HINT3: variants seen among roughly 807,000 people sequenced by gnomAD.
HINT3 encodes histidine triad nucleotide binding protein 3.
HINT3 carries 16 observed loss-of-function variants against 19.1 expected under a neutral mutation model. The observed-to-expected ratio is 0.84, with a 90% CI of 0.57 to 1.27. The LOEUF (loss-of-function observed/expected upper bound fraction) is 1.27, where lower values mean the gene tolerates loss of function less well. HINT3 is among the 50% of genes most tolerant of loss of function. HINT3 has a pLI of 0.00. For synonymous variants in HINT3, 75 were observed against 84.8 expected (o/e 0.88, Z 0.63); for missense variants, 197 against 225.8 (o/e 0.87, Z 0.82).
At chr6:125,966,016 G>A (rs1789012331) in intron 1 of HINT3, among the ~76,000 whole-genome samples, 1 of 152,090 alleles carries the variant, frequency 6.6e-6, no homozygotes, top group Non-Finnish European at 1.5e-5. Context: ...GAGCAGCATT[G>A]CATTCATGGA....
At chr6:125,960,671 A>AGGGGT (rs1562211533) in intron 1 of HINT3, among the ~76,000 whole-genome samples, 3 of 92,470 alleles carry the variant, frequency 3.2e-5, no homozygotes, top group Non-Finnish European at 4.5e-5. Flanking sequence ...GGGGGAAAAA[A>AGGGGT]AAAGAAGTTA....
intron 1 of HINT3, among the ~76,000 whole-genome samples, chr6:125,962,253 CACAT>C (rs1376922791): frequency 1.6e-4 from 2 of 12,648 alleles, no homozygotes; most frequent in Non-Finnish European, 2.6e-4. Flanking sequence ...TATATATACA[CACAT>C]ATATATATAT....
Position 125,974,968 on chromosome 6 carries a change from A to G in HINT3, c.511A>G (p.Ile171Val). 3 of 1,613,684 alleles carry G rather than the reference A, an allele frequency of 1.9e-6. No homozygotes were observed. The highest frequency in any genetic ancestry group is 2.5e-6 in the Non-Finnish European group (3 of 1,179,714). Residue 171 changes from isoleucine (I) to valine (V), a missense_variant, in exon 4 of 5, where the codon ATC becomes GTC. By Grantham distance (29) the Ile-to-Val change is conservative. Transcript: ENST00000229633. Reference sequence around the variant, plus strand: ...TTATAGAGTCAATTCCTATTGGTTTATCACAGTGAGTATTCTTGTTATGTC... The same window carrying G: ...TTATAGAGTCAATTCCTATTGGTTTGTCACAGTGAGTATTCTTGTTATGTC... ...LVYRVNSYWF[I>V]TADHLIEKLR...
intron 1 of HINT3, among the ~76,000 whole-genome samples, chr6:125,963,553 G>T (rs1162471559): frequency 6.6e-6 from 1 of 152,148 alleles, no homozygotes; most frequent in Admixed American, 6.5e-5. Context: ...AGAGTCAGTG[G>T]TGATAATGAA....
chr6:125,957,652 T>A (rs1165614445), intron 1 of HINT3, among the ~76,000 whole-genome samples: 1 of 152,246 alleles, frequency 6.6e-6, no homozygotes, highest in African/African-American at 2.4e-5. Flanking sequence ...TGTGGAAAGC[T>A]GTTTGTTAGA....
At chr6:125,967,127 A>T (rs1409506587) in intron 2 of HINT3, 123 bp downstream of exon 2, 1 of 568,882 alleles carries the variant, frequency 1.8e-6, no homozygotes, top group African/African-American at 1.9e-5. Flanking sequence ...TGACTTTTTG[A>T]AATTTTCACT....
intron 4 of HINT3, 80 bp from the exon 5 acceptor site, chr6:125,977,564 T>C: frequency 1.5e-6 from 1 of 671,322 alleles, no homozygotes. Context: ...TAATGTGGCA[T>C]ATTATAATAG....
In HINT3 at chr6:125,978,071, A is replaced by T. The variant is rs148033167; in HGVS notation, c.*395A>T. 2.5e-3 allele frequency: 382 copies of T among 154,774 alleles called. No homozygotes were observed. In the Middle Eastern group the frequency reaches 0.032, roughly 13 times the overall value. The allele number at this position is 154,774 out of a possible 1,614,324, so 9.6% of individuals were successfully genotyped here. On this transcript the variant is annotated 3_prime_UTR_variant, in exon 5 of 5. Transcript: ENST00000229633. Reference sequence around the variant, plus strand: ...TAGAAAGTACTTTGTGGGAACCTTTATTACTGTGAAGGAGAAAAATAGCTA... The same window carrying T: ...TAGAAAGTACTTTGTGGGAACCTTTTTTACTGTGAAGGAGAAAAATAGCTA...
In HINT3 at chr6:125,977,972, T is replaced by A. The variant is rs1446203348; in HGVS notation, c.*296T>A. The A allele has an allele frequency of 1.8e-4, 41 of 228,736 alleles. No homozygotes were observed. In the East Asian group the frequency reaches 3.3e-3, roughly 18 times the overall value. The allele number at this position is 228,736 out of a possible 1,614,324, so 14.2% of individuals were successfully genotyped here. On this transcript the variant is annotated 3_prime_UTR_variant, in exon 5 of 5. Coordinates refer to ENST00000229633, the MANE Select transcript of HINT3 (RefSeq NM_138571.5). Reference sequence around the variant, plus strand: ...AATCAACAAGGGCTCTGTATTTTTTTAAGTTAAAATATTTTCATTTCTCAG... The same window carrying A: ...AATCAACAAGGGCTCTGTATTTTTTAAAGTTAAAATATTTTCATTTCTCAG...
At chr6:125,957,251 C>T (rs1328485530) in intron 1 of HINT3, 73 bp downstream of exon 1, 1 of 1,430,836 alleles carries the variant, frequency 7.0e-7, no homozygotes, top group Non-Finnish European at 9.4e-7. Context: ...GGAGGCCTCG[C>T]CGTTGTGGAG....
intron 1 of HINT3, 123 bp from the exon 2 acceptor site, chr6:125,966,764 G>A (rs1020347157): frequency 1.4e-5 from 8 of 562,546 alleles, no homozygotes; most frequent in Non-Finnish European, 2.4e-5. Flanking sequence ...TTGCCCAGTG[G>A]GGGTTAGGTG....
intron 1 of HINT3, among the ~76,000 whole-genome samples, chr6:125,961,638 C>T (rs1228821691): frequency 2.0e-5 from 3 of 152,024 alleles, no homozygotes; most frequent in African/African-American, 7.2e-5. Context: ...GATGAATAGC[C>T]CAAAGTATGG....
intron 1 of HINT3, among the ~76,000 whole-genome samples, chr6:125,962,163 C>CAT (rs1164333774): frequency 0.16 from 1,795 of 11,076 alleles, 75 homozygotes; most frequent in Middle Eastern, 0.3. Flanking sequence ...TATATATACA[C>CAT]ATATATATAT....
At chr6:125,973,557 T>G (rs1292073950) in intron 3 of HINT3, among the ~76,000 whole-genome samples, 9 of 152,194 alleles carry the variant, frequency 5.9e-5, no homozygotes, top group African/African-American at 1.2e-4. Context: ...ACGTACACTG[T>G]CTGTATTAGT....
intron 3 of HINT3, among the ~76,000 whole-genome samples, chr6:125,973,065 CTTTTTT>C (rs869084942): frequency 3.8e-4 from 28 of 74,480 alleles, no homozygotes; most frequent in African/African-American, 1.3e-3. Context: ...AATTTTTCAA[CTTTTTT>C]TTTTTTTTTT....
intron 1 of HINT3, among the ~76,000 whole-genome samples, chr6:125,960,371 T>C (rs1412435520): frequency 1.3e-5 from 2 of 152,230 alleles, no homozygotes; most frequent in African/African-American, 4.8e-5. Context: ...AGTTAAGAAG[T>C]TATGGAGCCG....
At chr6:125,971,880 T>G (rs1372417503) in intron 2 of HINT3, among the ~76,000 whole-genome samples, 1 of 151,910 alleles carries the variant, frequency 6.6e-6, no homozygotes, top group Non-Finnish European at 1.5e-5. Flanking sequence ...CGGCTAATTT[T>G]TTTTGTATTT....
chr6:125,966,849 C>T, intron 1 of HINT3, 38 bp from the exon 2 acceptor site: 1 of 1,365,242 alleles, frequency 7.3e-7, no homozygotes, highest in Non-Finnish European at 1.0e-6. Flanking sequence ...TTAAGAAATT[C>T]TTTTTAAAAA....
chr6:125,962,740 G>T (rs2128710882), intron 1 of HINT3, among the ~76,000 whole-genome samples: 1 of 152,168 alleles, frequency 6.6e-6, no homozygotes, highest in East Asian at 1.9e-4. Flanking sequence ...GTATACTGCA[G>T]ATTTAAAACT....
Sources: gnomAD v4.1 joint callset for allele counts (sites outside exome capture counted in the v4.1 genomes callset) on GRCh38, gnomAD v4.1.1 for gene constraint, MANE v1.5 for transcripts, NCBI Gene and HGNC (gene_info 2026-07-23, HGNC 2026-07-21) for gene names.